Variants in CHAF1B observed in about 807,000 individuals in gnomAD.
CHAF1B encodes the protein CAF-1 subunit B.
Under a neutral mutation model 60.7 loss-of-function variants are expected in CHAF1B, and 10 were observed. The observed-to-expected ratio is 0.16, with a 90% CI of 0.10 to 0.28. The LOEUF (loss-of-function observed/expected upper bound fraction) is 0.28, where lower values mean the gene tolerates loss of function less well. CHAF1B is among the 10% of genes least tolerant of loss of function. CHAF1B has a pLI of 1.00. For synonymous variants in CHAF1B, 261 were observed against 266.1 expected (o/e 0.98, Z 0.19); for missense variants, 558 against 708.4 (o/e 0.79, Z 2.41).
chr21:36,386,729 T>C, intron 2 of CHAF1B, among the ~76,000 whole-genome samples: 1 of 152,082 alleles, frequency 6.6e-6, no homozygotes, highest in Non-Finnish European at 1.5e-5. Context: ...TTTTTTTTTT[T>C]TTGAGACGGA....
intron 10 of CHAF1B, among the ~76,000 whole-genome samples, chr21:36,409,733 A>G (rs911425075): frequency 1.5e-4 from 23 of 151,586 alleles, no homozygotes; most frequent in African/African-American, 5.3e-4. Context: ...CCTGGACTCA[A>G]GTGATCCACC....
chr21:36,385,998 C>G, intron 1 of CHAF1B, 62 bp from the exon 2 acceptor site: 1 of 978,728 alleles, frequency 1.0e-6, no homozygotes, highest in Non-Finnish European at 1.5e-6. Context: ...TGGCTCCTGG[C>G]CCCTATTCAG....
intron 8 of CHAF1B, among the ~76,000 whole-genome samples, chr21:36,405,829 T>C (rs1487996745): frequency 6.6e-6 from 1 of 152,150 alleles, no homozygotes; most frequent in Non-Finnish European, 1.5e-5. Flanking sequence ...TGGAAAGATA[T>C]GTCGTGTTCT....
At chr21:36,409,300 C>G in intron 9 of CHAF1B, 74 bp from the exon 10 acceptor site, 1 of 1,272,904 alleles carries the variant, frequency 7.9e-7, no homozygotes, top group Non-Finnish European at 1.1e-6. Flanking sequence ...CGCGCCCTGC[C>G]AAAATGTTTA....
At chr21:36,401,155 T>G (rs2086184558) in intron 7 of CHAF1B, among the ~76,000 whole-genome samples, 1 of 151,758 alleles carries the variant, frequency 6.6e-6, no homozygotes, top group Admixed American at 6.6e-5. Flanking sequence ...TAGTCCCAGC[T>G]ACTCCGGTGG....
chr21:36,396,772 C>T (rs1237250821), intron 5 of CHAF1B, among the ~76,000 whole-genome samples: 1 of 152,190 alleles, frequency 6.6e-6, no homozygotes, highest in Non-Finnish European at 1.5e-5. Flanking sequence ...TCCCTGTTCG[C>T]ATTGTCTGCT....
intron 4 of CHAF1B, among the ~76,000 whole-genome samples, chr21:36,393,971 C>A (rs1211886055): frequency 6.6e-6 from 1 of 152,056 alleles, no homozygotes. Context: ...ATGATCTTGG[C>A]TCACTGCAAT....
In CHAF1B at chr21:36,408,757, C is replaced by T. The variant is rs1271550081; in HGVS notation, c.758-4C>T. ...TTCCTCTCCCTCCCTTCCCTGTTCC[C>T]CAGCTGGATGTGTGGAATCTGGTGA... is the stretch of plus-strand genomic sequence containing the variant. On this transcript the variant is annotated splice_polypyrimidine_tract_variant and splice_region_variant and intron_variant, in intron 8 of 13. Transcript: ENST00000314103. 3.1e-6 allele frequency: 5 copies of T among 1,602,830 alleles called. No homozygotes were observed. Among genetic ancestry groups the T allele is most frequent in the African/African-American group, 1.3e-5 (1 of 74,684 alleles).
chr21:36,412,783 TGCC>T, intron 11 of CHAF1B, 98 bp from the exon 12 acceptor site: 1 of 1,076,360 alleles, frequency 9.3e-7, no homozygotes, highest in South Asian at 1.6e-5. Flanking sequence ...CCCTGGTTTT[TGCC>T]TTCAAACAAG....
chr21:36,408,865 T>G (rs747477986), intron 9 of CHAF1B, 35 bp downstream of exon 9: 1 of 1,408,278 alleles, frequency 7.1e-7, no homozygotes, highest in East Asian at 2.4e-5. Flanking sequence ...AATGTTTACA[T>G]TTTTTTTAGA....
chr21:36,391,459 G>C, intron 3 of CHAF1B, 92 bp from the exon 4 acceptor site: 2 of 717,488 alleles, frequency 2.8e-6, no homozygotes, highest in Non-Finnish European at 4.4e-6. Flanking sequence ...GTGAGACTCC[G>C]TCTCAAAAAA....
intron 5 of CHAF1B, among the ~76,000 whole-genome samples, chr21:36,396,323 TGTGATGG>T (rs2086137443): frequency 7.6e-6 from 1 of 131,602 alleles, no homozygotes; most frequent in Non-Finnish European, 1.5e-5. Flanking sequence ...TTATCATAAG[TGTGATGG>T]GTTGTTACTG....
Position 36,399,577 on chromosome 21 carries a change from T to A in CHAF1B, c.635T>A (p.Met212Lys), listed in dbSNP as rs1452720879. 2 of 1,614,178 alleles carry A rather than the reference T, an allele frequency of 1.2e-6. No individual in the cohort carries two copies. The highest frequency in any genetic ancestry group is 8.5e-7 in the Non-Finnish European group (1 of 1,179,992). ...KKRVAFNVSKMLSGIGAEGEA... is the reference protein window; with the variant it reads ...KKRVAFNVSKKLSGIGAEGEA... ...CGTGTGGCTTTCAATGTTTCGAAGA[T>A]GCTGTCTGGAATAGGGGCTGAAGGA... The change falls in exon 7 of 14, where the codon ATG (methionine) becomes AAG (lysine). Residue 212 changes from methionine to lysine, a missense_variant. Coordinates refer to ENST00000314103, the MANE Select transcript of CHAF1B (RefSeq NM_005441.3).
chr21:36,393,790 A>G (rs1248348091), intron 4 of CHAF1B, among the ~76,000 whole-genome samples: 5 of 152,124 alleles, frequency 3.3e-5, no homozygotes, highest in Admixed American at 6.6e-5. Context: ...TTTTATAGCT[A>G]TAGCTAATAT....
At chr21:36,389,224 C>G (rs1174874504) in intron 3 of CHAF1B, 1 of 152,588 alleles carries the variant, frequency 6.6e-6, no homozygotes, top group African/African-American at 2.4e-5. Flanking sequence ...TAATGAATGG[C>G]CTTGTGATTT....
chr21:36,386,918 T>TG (rs1212847194), intron 2 of CHAF1B, among the ~76,000 whole-genome samples: 1 of 152,170 alleles, frequency 6.6e-6, no homozygotes, highest in Non-Finnish European at 1.5e-5. Context: ...TTTACCATGT[T>TG]GGCCAGGCTG....
intron 4 of CHAF1B, among the ~76,000 whole-genome samples, chr21:36,392,908 C>A (rs1394592327): frequency 6.6e-6 from 1 of 152,288 alleles, no homozygotes; most frequent in East Asian, 1.9e-4. Flanking sequence ...CCAGTGCCCT[C>A]CAGCCTGGGC....
chr21:36,395,416 C>T (rs1238945144), intron 5 of CHAF1B, among the ~76,000 whole-genome samples: 3 of 152,202 alleles, frequency 2.0e-5, no homozygotes, highest in Non-Finnish European at 4.4e-5. Context: ...GTTGGCTCAA[C>T]AGGATAGGGG....
intron 3 of CHAF1B, among the ~76,000 whole-genome samples, chr21:36,389,763 G>A (rs946759461): frequency 2.4e-4 from 18 of 76,334 alleles, no homozygotes; most frequent in African/African-American, 1.0e-3. Context: ...GAAGGGATGT[G>A]TGTGTGTGTG....
Sources: gnomAD v4.1 joint callset for allele counts (sites outside exome capture counted in the v4.1 genomes callset) on GRCh38, gnomAD v4.1.1 for gene constraint, MANE v1.5 for transcripts, NCBI Gene and HGNC (gene_info 2026-07-23, HGNC 2026-07-21) for gene names.